NDRG4: variants seen among roughly 807,000 people sequenced by gnomAD.
NDRG4 encodes NDRG family member 4, also known as protein NDRG4.
A neutral mutation model predicts 55.8 loss-of-function variants in NDRG4; 38 were observed. The observed-to-expected ratio is 0.68, with a 90% confidence interval of 0.53 to 0.89. The LOEUF is 0.89. NDRG4 is among the 40% of genes least tolerant of loss of function. NDRG4 has a pLI of 0.00. For missense variants in NDRG4, 455 were observed against 468.6 expected (o/e 0.97, Z 0.27); for synonymous variants, 190 against 182.7 (o/e 1.04, Z -0.32).
In NDRG4 at chr16:58,464,324, C is replaced by T; in HGVS notation, c.-24+527C>T. 1 of 1,009,190 alleles carries T rather than the reference C, an allele frequency of 9.9e-7. No homozygotes were observed. The highest frequency in any genetic ancestry group is 1.3e-6 in the Non-Finnish European group (1 of 758,704). 62.5% of individuals were successfully genotyped at this position (1,009,190 alleles called of 1,614,324 possible). ...GAGCTGCTCCTGCCGCTTCGCTCCGCGCTCTCCTGCCGCTCCGCTCCGGGT... is the reference window on the plus strand; with the variant it reads ...GAGCTGCTCCTGCCGCTTCGCTCCGTGCTCTCCTGCCGCTCCGCTCCGGGT... On this transcript the variant is annotated intron_variant, in intron 1 of 15. Coordinates refer to the NDRG4 transcript ENST00000258187. The surrounding 1 kb of genome is among the most constrained non-coding windows in gnomAD (Gnocchi z 4.8).
intron 1 of NDRG4, among the ~76,000 whole-genome samples, chr16:58,486,745 ACACACG>A (rs1186903098): frequency 8.5e-6 from 1 of 117,350 alleles, no homozygotes; most frequent in African/African-American, 3.2e-5. Flanking sequence ...ACACACACAC[ACACACG>A]CCTGCATGTA....
At chr16:58,472,427 C>G (rs779344433) in intron 1 of NDRG4, 1 of 152,262 alleles carries the variant, frequency 6.6e-6, no homozygotes, top group Admixed American at 6.5e-5. Flanking sequence ...TGTTGCCATT[C>G]GAGTGTGGTG....
At chr16:58,507,047 G>C (rs765639240) in intron 8 of NDRG4, 32 bp downstream of exon 8, 1 of 1,558,980 alleles carries the variant, frequency 6.4e-7, no homozygotes, top group East Asian at 2.3e-5. Flanking sequence ...CTGGGACCCA[G>C]CACACCCCAG....
chr16:58,486,159 T>TATCC (rs2035056748), intron 1 of NDRG4, among the ~76,000 whole-genome samples: 1 of 152,102 alleles, frequency 6.6e-6, no homozygotes, highest in East Asian at 1.9e-4. Flanking sequence ...AAGAAAGAGC[T>TATCC]ATCCATTCAT....
Position 58,510,182 on chromosome 16 carries a change from G to A in NDRG4, c.866-463G>A, listed in dbSNP as rs2038618051. Among the ~76,000 whole-genome samples, 5 of 152,236 alleles carry A rather than the reference G, an allele frequency of 3.3e-5. No homozygotes were observed. In the South Asian group the frequency reaches 1.0e-3, roughly 32 times the overall value. ...AGAATGCTCTCTGGAGCAGGGCAGAGCCCTAGGGCCCACAGGGAGGCTCCG... is the reference window on the plus strand; with the variant it reads ...AGAATGCTCTCTGGAGCAGGGCAGAACCCTAGGGCCCACAGGGAGGCTCCG... On this transcript the variant is annotated intron_variant, in intron 13 of 14. Coordinates refer to ENST00000570248, the MANE Select transcript of NDRG4 (RefSeq NM_001242835.2).
At chr16:58,484,539 C>T (rs1376553556) in intron 1 of NDRG4, among the ~76,000 whole-genome samples, 2 of 152,194 alleles carry the variant, frequency 1.3e-5, no homozygotes, top group African/African-American at 4.8e-5. Flanking sequence ...TGGCTCCAGG[C>T]CTTACCCCTG....
intron 2 of NDRG4, among the ~76,000 whole-genome samples, chr16:58,488,778 A>G (rs1214145658): frequency 2.0e-5 from 3 of 152,176 alleles, no homozygotes; most frequent in Non-Finnish European, 4.4e-5. Flanking sequence ...GGAAGAGTAC[A>G]GTGTTATCTT....
intron 1 of NDRG4, among the ~76,000 whole-genome samples, chr16:58,480,919 G>A (rs1033888511): frequency 6.6e-6 from 1 of 151,460 alleles, no homozygotes; most frequent in African/African-American, 2.4e-5. Flanking sequence ...TGAGGCACAA[G>A]AATTACTTGA....
intron 5 of NDRG4, among the ~76,000 whole-genome samples, chr16:58,505,698 T>C (rs112293146): frequency 8.8e-5 from 13 of 147,564 alleles, no homozygotes; most frequent in African/African-American, 2.7e-4. Context: ...ATTTATATCA[T>C]GAGGGCTTCA....
intron 1 of NDRG4, among the ~76,000 whole-genome samples, chr16:58,484,377 A>C (rs1304785899): frequency 6.6e-6 from 1 of 152,166 alleles, no homozygotes; most frequent in Admixed American, 6.5e-5. Context: ...CGTCTAAAAA[A>C]AAATTTATAT....
rs2038822845 is a variant in NDRG4, at chr16:58,511,680, A to C, written c.*104A>C. 1 of 1,426,618 alleles carries C rather than the reference A, an allele frequency of 7.0e-7. No individual in the cohort carries two copies. Among genetic ancestry groups the C allele is most frequent in the East Asian group, 2.3e-5 (1 of 43,654 alleles). The allele number at this position is 1,426,618 out of a possible 1,614,324, so 88.4% of individuals were successfully genotyped here. A position where few individuals can be genotyped will look rare whatever the true frequency, so the allele number is the denominator to read the frequency against. On this transcript the variant is annotated 3_prime_UTR_variant, in exon 15 of 15. Coordinates refer to ENST00000570248, the MANE Select transcript of NDRG4 (RefSeq NM_001242835.2). ...TTTTTGTGAGGGCAAAGGGGAGGAA[A>C]TGGGGTTCTGTTTGAAAAAAATGAG...
At chr16:58,510,522 G>T in intron 13 of NDRG4, 123 bp from the exon 14 acceptor site, 1 of 828,136 alleles carries the variant, frequency 1.2e-6, no homozygotes, top group Non-Finnish European at 2.0e-6. Context: ...CAGCCTCTCT[G>T]TGCCTGTCCT....
chr16:58,499,747 C>T (rs1221406896), upstream of NDRG4: 1 of 218,444 alleles, frequency 4.6e-6, no homozygotes, highest in Admixed American at 5.3e-5. Flanking sequence ...GGGCAGTGCC[C>T]ATGCACCCTG....
In NDRG4 at chr16:58,464,075, C is replaced by T. The variant is rs750967948; in HGVS notation, c.-24+278C>T. On this transcript the variant is annotated intron_variant, in intron 1 of 15. Transcript: ENST00000258187. This position sits in a 1 kb window ranked among gnomAD's most constrained non-coding sequence, Gnocchi z 4.8. The stretch of plus-strand genomic sequence containing the variant: ...GTCCGCGACCCCCCACCGCGACGCC[C>T]GGAGGCGGCGGGGTCTCTTTGTTCG... 1 of 234,438 alleles carries T rather than the reference C, an allele frequency of 4.3e-6. No homozygotes were observed. Among genetic ancestry groups the T allele is most frequent in the Non-Finnish European group, 8.2e-6 (1 of 121,990 alleles). 14.5% of individuals were successfully genotyped at this position (234,438 alleles called of 1,614,324 possible).
In NDRG4 at chr16:58,507,980, C is replaced by T. The variant is rs1276698262; in HGVS notation, c.710C>T (p.Ala237Val). 3 of 1,589,870 alleles carry T rather than the reference C, an allele frequency of 1.9e-6. No individual in the cohort carries two copies. Among genetic ancestry groups the T allele is most frequent in the Admixed American group, 3.4e-5 (2 of 58,762 alleles). ...CPVMLVVGDNAPAEDGVVECN... is the reference protein window; with the variant it reads ...CPVMLVVGDNVPAEDGVVECN... ...GTGATGCTGGTGGTTGGGGATAATG[C>T]ACCCGCTGAGGACGGGGTGGTAAGT... The change falls in exon 10 of 15, where the codon GCA (alanine) becomes GTA (valine). Residue 237 changes from alanine to valine, a missense_variant. Physicochemically the swap from Ala to Val is moderately conservative, Grantham distance 64. Coordinates refer to ENST00000570248, the MANE Select transcript of NDRG4 (RefSeq NM_001242835.2).
intron 1 of NDRG4, among the ~76,000 whole-genome samples, chr16:58,471,538 T>C (rs147110235): frequency 2.3e-3 from 343 of 152,042 alleles, no homozygotes; most frequent in African/African-American, 7.9e-3. Context: ...CAAACCTAAG[T>C]GGGATGAGCA....
chr16:58,487,642 C>A, intron 1 of NDRG4: 1 of 759,554 alleles, frequency 1.3e-6, no homozygotes, highest in Non-Finnish European at 2.0e-6. Flanking sequence ...GCTTGGGGGC[C>A]AGGGGGACAG....
downstream of NDRG4, among the ~76,000 whole-genome samples, chr16:58,515,302 A>T (rs1252428340): frequency 6.6e-6 from 1 of 152,206 alleles, no homozygotes; most frequent in East Asian, 1.9e-4. Flanking sequence ...CTGGCTCAGA[A>T]CCAGGCGCCA....
At chr16:58,483,083 G>A (rs1435702638) in intron 1 of NDRG4, among the ~76,000 whole-genome samples, 1 of 152,054 alleles carries the variant, frequency 6.6e-6, no homozygotes, top group Non-Finnish European at 1.5e-5. Flanking sequence ...ACCGTGCCCA[G>A]CCCCCCAGTG....
Sources: gnomAD v4.1 joint callset for allele counts (sites outside exome capture counted in the v4.1 genomes callset) on GRCh38, gnomAD v4.1.1 for gene constraint, Gnocchi (gnomAD v3.1) non-coding constraint, MANE v1.5 for transcripts, NCBI Gene and HGNC (gene_info 2026-07-23, HGNC 2026-07-21) for gene names.